The following HDAC9 variants were observed in gnomAD, a reference collection of about 807,000 sequenced individuals.
HDAC9 encodes the protein histone deacetylase 9, also known as MEF-2 interacting transcription repressor (MITR) protein.
In HDAC9, 41 loss-of-function variants were observed where a neutral mutation model predicts 139.4. The observed-to-expected ratio is 0.29, with a 90% CI of 0.23 to 0.38. The LOEUF (loss-of-function observed/expected upper bound fraction) is 0.38, where lower values mean the gene tolerates loss of function less well. Ranked by LOEUF, HDAC9 falls within the 10% of genes least tolerant of loss-of-function variation. HDAC9 has a pLI of 1.00. For synonymous variants in HDAC9, 517 were observed against 476.2 expected (o/e 1.09, Z -1.12); for missense variants, 1,147 against 1,297.0 (o/e 0.88, Z 1.78).
chr7:18,588,876 A>G (rs558394479), intron 3 of HDAC9, among the ~76,000 whole-genome samples: 1 of 152,308 alleles, frequency 6.6e-6, no homozygotes, highest in Admixed American at 6.5e-5. Flanking sequence ...CACTTGTGGC[A>G]TCATGTCAGT....
At chr7:18,678,251 G>A (rs1781656907) in intron 12 of HDAC9, among the ~76,000 whole-genome samples, 1 of 151,796 alleles carries the variant, frequency 6.6e-6, no homozygotes, top group Non-Finnish European at 1.5e-5. Context: ...TTGTTTGTAA[G>A]ATTTTTTGGT....
At chr7:18,894,449 A>T (rs1174088746) in intron 22 of HDAC9, among the ~76,000 whole-genome samples, 1 of 152,124 alleles carries the variant, frequency 6.6e-6, no homozygotes. Flanking sequence ...CATTAGCTCT[A>T]TCAAATGTCC....
At chr7:18,725,266 A>T (rs1016485388) in intron 12 of HDAC9, among the ~76,000 whole-genome samples, 1 of 152,204 alleles carries the variant, frequency 6.6e-6, no homozygotes, top group African/African-American at 2.4e-5. Flanking sequence ...TGTAGTTTTT[A>T]ATACTATTTT....
intron 1 of HDAC9, among the ~76,000 whole-genome samples, chr7:18,467,114 T>C (rs1291112548): frequency 6.6e-6 from 1 of 152,162 alleles, no homozygotes; most frequent in Non-Finnish European, 1.5e-5. Context: ...TGTTTCACAG[T>C]CAAATAAACT....
intron 12 of HDAC9, among the ~76,000 whole-genome samples, chr7:18,683,349 C>T (rs1242780884): frequency 6.6e-6 from 1 of 151,882 alleles, no homozygotes; most frequent in Admixed American, 6.6e-5. Flanking sequence ...AAGCACAAAA[C>T]CTGCACCAGT....
chr7:18,725,222 A>G (rs527545516), intron 12 of HDAC9, among the ~76,000 whole-genome samples: 2 of 152,312 alleles, frequency 1.3e-5, no homozygotes, highest in African/African-American at 4.8e-5. Context: ...AATATATAAT[A>G]ATGAATCCAA....
intron 23 of HDAC9, among the ~76,000 whole-genome samples, chr7:18,946,709 A>T (rs1317052118): frequency 1.3e-5 from 2 of 152,082 alleles, no homozygotes; most frequent in Non-Finnish European, 2.9e-5. Context: ...AACCACAATC[A>T]TCATAACAAA....
chr7:18,526,204 C>A (rs1229370071), intron 2 of HDAC9, among the ~76,000 whole-genome samples: 1 of 152,066 alleles, frequency 6.6e-6, no homozygotes, highest in Admixed American at 6.6e-5. Context: ...AATTGTATAG[C>A]AATATTTATA....
intron 12 of HDAC9, among the ~76,000 whole-genome samples, chr7:18,707,964 C>A (rs1349079874): frequency 6.6e-6 from 1 of 151,818 alleles, no homozygotes; most frequent in African/African-American, 2.4e-5. Flanking sequence ...ACAGTACATG[C>A]TGAGAGGCTG....
At chr7:18,114,875 G>C (rs1352189746) in intron 1 of HDAC9, among the ~76,000 whole-genome samples, 2 of 152,198 alleles carry the variant, frequency 1.3e-5, no homozygotes, top group Non-Finnish European at 2.9e-5. Flanking sequence ...CTTCTTGTTT[G>C]AAATATGTTA....
chr7:18,247,225 G>T (rs1434548889), intron 2 of HDAC9, among the ~76,000 whole-genome samples: 2 of 151,984 alleles, frequency 1.3e-5, no homozygotes, highest in Non-Finnish European at 2.9e-5. Flanking sequence ...CATAGAGATG[G>T]TATTTAAAGC....
intron 1 of HDAC9, among the ~76,000 whole-genome samples, chr7:18,403,834 G>A (rs775266103): frequency 6.6e-6 from 1 of 152,152 alleles, no homozygotes; most frequent in Non-Finnish European, 1.5e-5. Context: ...GTAAACATTG[G>A]GAAAGAAAAG....
chr7:18,778,332 C>T (rs544053380), intron 16 of HDAC9, among the ~76,000 whole-genome samples: 2 of 151,940 alleles, frequency 1.3e-5, no homozygotes, highest in South Asian at 4.2e-4. Context: ...GTATTTCAAC[C>T]CTAACTAGAA....
intron 22 of HDAC9, among the ~76,000 whole-genome samples, chr7:18,893,794 A>G (rs1313025609): frequency 1.3e-5 from 2 of 152,140 alleles, no homozygotes; most frequent in Admixed American, 1.3e-4. Context: ...GATTTTTAAA[A>G]GGGTGATCAG....
At chr7:18,411,830 T>C (rs2128744864) in intron 1 of HDAC9, among the ~76,000 whole-genome samples, 1 of 146,130 alleles carries the variant, frequency 6.8e-6, no homozygotes, top group African/African-American at 2.5e-5. Flanking sequence ...TTTTTTTTTT[T>C]TTTTTTTTTT....
intron 12 of HDAC9, among the ~76,000 whole-genome samples, chr7:18,674,996 G>C (rs1289883081): frequency 6.6e-6 from 1 of 151,654 alleles, no homozygotes; most frequent in African/African-American, 2.4e-5. Flanking sequence ...ATAATATCTA[G>C]ATTAATTTGA....
chr7:18,450,352 G>C (rs1792701196), intron 1 of HDAC9, among the ~76,000 whole-genome samples: 1 of 152,122 alleles, frequency 6.6e-6, no homozygotes, highest in African/African-American at 2.4e-5. Context: ...CTTTGCCATT[G>C]TTTTAAAGAT....
chr7:18,664,950 AT>A (rs1013174682), intron 11 of HDAC9, among the ~76,000 whole-genome samples: 6 of 152,170 alleles, frequency 3.9e-5, no homozygotes, highest in Non-Finnish European at 7.4e-5. Flanking sequence ...TGTTGAACAA[AT>A]GAATGAAAAT....
chr7:18,629,006 T>A (rs1180416795), intron 6 of HDAC9, among the ~76,000 whole-genome samples: 2 of 152,156 alleles, frequency 1.3e-5, no homozygotes, highest in East Asian at 1.9e-4. Flanking sequence ...CAATGAAGTA[T>A]AATAAATCTT....
Sources: gnomAD v4.1 joint callset for allele counts (sites outside exome capture counted in the v4.1 genomes callset) on GRCh38, gnomAD v4.1.1 for gene constraint, MANE v1.5 for transcripts, NCBI Gene and HGNC (gene_info 2026-07-23, HGNC 2026-07-21) for gene names.